Variants in CACNA2D1 observed in about 807,000 individuals in gnomAD.
The protein encoded by CACNA2D1 is calcium voltage-gated channel auxiliary subunit alpha2delta 1.
CACNA2D1 carries 53 observed loss-of-function variants against 171.5 expected under a neutral mutation model. That is an observed-to-expected ratio of 0.31 (90% CI 0.25 to 0.39). CACNA2D1 has a LOEUF of 0.39. CACNA2D1 is among the 10% of genes least tolerant of loss of function. The probability of loss-of-function intolerance (pLI) is 1.00; values close to 1 mark genes in which losing one functional copy is unlikely to be tolerated. For missense variants in CACNA2D1, 903 were observed against 1,299.8 expected, an observed-to-expected ratio of 0.69 and a Z score of 4.69; for synonymous variants, 442 against 443.1, an observed-to-expected ratio of 1.00 and a Z score of 0.03.
At chr7:82,053,554 G>C (rs1245799861) in intron 10 of CACNA2D1, among the ~76,000 whole-genome samples, 1 of 152,078 alleles carries the variant, frequency 6.6e-6, no homozygotes, top group Non-Finnish European at 1.5e-5. Context: ...CCATAAACAA[G>C]TAAATAAGTA....
At chr7:81,984,189 A>G (rs189208388) in intron 22 of CACNA2D1, among the ~76,000 whole-genome samples, 64 of 152,352 alleles carry the variant, frequency 4.2e-4, no homozygotes, top group African/African-American at 1.5e-3. Context: ...GTGAAGCACA[A>G]TATTATTCTG....
intron 3 of CACNA2D1, among the ~76,000 whole-genome samples, chr7:82,299,104 A>AT (rs11438532): frequency 0.019 from 2,858 of 150,220 alleles, 69 homozygotes; most frequent in Middle Eastern, 0.066. Flanking sequence ...ATACCAAGTC[A>AT]TTTTTTACTC....
intron 6 of CACNA2D1, among the ~76,000 whole-genome samples, chr7:82,114,437 C>G (rs1322391625): frequency 6.6e-6 from 1 of 152,100 alleles, no homozygotes; most frequent in Non-Finnish European, 1.5e-5. Context: ...ACTACCAATA[C>G]TAGACAGAGA....
At chr7:82,417,286 A>C (rs922744363) in intron 1 of CACNA2D1, among the ~76,000 whole-genome samples, 1 of 152,184 alleles carries the variant, frequency 6.6e-6, no homozygotes, top group African/African-American at 2.4e-5. Flanking sequence ...TACAGGCAAA[A>C]ACCAGAGGAT....
At chr7:82,319,216 T>C (rs546330403) in intron 3 of CACNA2D1, among the ~76,000 whole-genome samples, 2 of 152,330 alleles carry the variant, frequency 1.3e-5, no homozygotes, top group East Asian at 3.9e-4. Flanking sequence ...TCATATAAGA[T>C]ACTTGATATT....
At chr7:82,008,453 C>T (rs938027755) in intron 15 of CACNA2D1, among the ~76,000 whole-genome samples, 17 of 152,162 alleles carry the variant, frequency 1.1e-4, no homozygotes, top group African/African-American at 3.9e-4. Context: ...TAATGCCATC[C>T]TATTAATCAG....
At chr7:82,090,526 G>A (rs1432515082) in intron 6 of CACNA2D1, among the ~76,000 whole-genome samples, 2 of 151,820 alleles carry the variant, frequency 1.3e-5, no homozygotes, top group Non-Finnish European at 2.9e-5. Flanking sequence ...AAATTAGCAT[G>A]TTATTTAAAC....
At chr7:82,233,872 G>A (rs188199536) in intron 3 of CACNA2D1, among the ~76,000 whole-genome samples, 2 of 152,020 alleles carry the variant, frequency 1.3e-5, no homozygotes, top group East Asian at 3.9e-4. Context: ...ATTTTAGAAG[G>A]CAATTGGCCC....
intron 6 of CACNA2D1, among the ~76,000 whole-genome samples, chr7:82,096,189 A>C (rs1811841240): frequency 6.6e-6 from 1 of 152,196 alleles, no homozygotes; most frequent in Admixed American, 6.5e-5. Flanking sequence ...TCTATGGTCC[A>C]CATGGTCTCT....
At chr7:82,284,357 G>T (rs796343337) in intron 3 of CACNA2D1, among the ~76,000 whole-genome samples, 5 of 152,226 alleles carry the variant, frequency 3.3e-5, no homozygotes, top group African/African-American at 1.2e-4. Context: ...TGGCTTAGAG[G>T]TTTAACTGAT....
At chr7:82,065,041 C>T (rs949864972) in intron 8 of CACNA2D1, among the ~76,000 whole-genome samples, 4 of 152,116 alleles carry the variant, frequency 2.6e-5, no homozygotes, top group Non-Finnish European at 4.4e-5. Flanking sequence ...GACCCAAAAG[C>T]TCACTCACGT....
intron 24 of CACNA2D1, among the ~76,000 whole-genome samples, 153 bp from the exon 25 acceptor site, chr7:81,974,705 T>C (rs1209102513): frequency 3.3e-5 from 5 of 152,004 alleles, no homozygotes; most frequent in Admixed American, 6.6e-5. Context: ...ACTTCTATAA[T>C]GGACCAATAC....
At chr7:82,437,497 C>T (rs1230474306) in intron 1 of CACNA2D1, among the ~76,000 whole-genome samples, 1 of 151,978 alleles carries the variant, frequency 6.6e-6, no homozygotes, top group Admixed American at 6.6e-5. Flanking sequence ...ATCCACAGAG[C>T]ATATGGTTAA....
intron 6 of CACNA2D1, among the ~76,000 whole-genome samples, chr7:82,088,465 C>T (rs571358832): frequency 6.6e-6 from 1 of 152,056 alleles, no homozygotes; most frequent in East Asian, 1.9e-4. Flanking sequence ...CAATAAATAT[C>T]AACAAAATTC....
chr7:82,376,781 T>G (rs1365188309), intron 1 of CACNA2D1, among the ~76,000 whole-genome samples: 1 of 152,218 alleles, frequency 6.6e-6, no homozygotes, highest in African/African-American at 2.4e-5. Flanking sequence ...TTGATGAAAG[T>G]GAGCTGTACT....
At chr7:82,378,938 CGTGTGTGTGTGTGTGTGTGTGT>C (rs533854397) in intron 1 of CACNA2D1, among the ~76,000 whole-genome samples, 33 of 139,168 alleles carry the variant, frequency 2.4e-4, no homozygotes, top group Middle Eastern at 3.5e-3. Context: ...GGGGTTGACT[CGTGTGTGTGTGTGTGTGTGTGT>C]GTGTGTGTGT....
intron 3 of CACNA2D1, among the ~76,000 whole-genome samples, chr7:82,334,904 T>C (rs188322406): frequency 3.1e-4 from 47 of 152,104 alleles, no homozygotes; most frequent in Admixed American, 3.1e-3. Flanking sequence ...CATATACATA[T>C]AATCAATTAA....
At chr7:82,134,579 T>G (rs1349212388) in intron 5 of CACNA2D1, among the ~76,000 whole-genome samples, 1 of 152,204 alleles carries the variant, frequency 6.6e-6, no homozygotes, top group Non-Finnish European at 1.5e-5. Context: ...TGTGGACATT[T>G]TACTATTTAT....
chr7:82,105,140 AAT>A, intron 6 of CACNA2D1, among the ~76,000 whole-genome samples: 1 of 152,220 alleles, frequency 6.6e-6, no homozygotes, highest in South Asian at 2.1e-4. Context: ...TACTGAAGGT[AAT>A]TTCAAAAGAG....
Sources: gnomAD v4.1 joint callset for allele counts (sites outside exome capture counted in the v4.1 genomes callset) on GRCh38, gnomAD v4.1.1 for gene constraint, MANE v1.5 for transcripts, NCBI Gene and HGNC (gene_info 2026-07-23, HGNC 2026-07-21) for gene names.